Variants in KSR1 observed in about 807,000 individuals in gnomAD.
The protein encoded by KSR1 is kinase suppressor of ras 1, also known as kinase suppressor of ras.
KSR1 carries 35 observed loss-of-function variants against 92.9 expected under a neutral mutation model. That is an observed-to-expected ratio of 0.38 (90% CI 0.29 to 0.50). The LOEUF is 0.50. Among genes scored for constraint, KSR1 ranks in the 20% least tolerant of loss-of-function variants. The pLI, the probability that KSR1 is intolerant of heterozygous loss-of-function variation, is 0.94. For synonymous variants in KSR1, 467 were observed against 472.6 expected (o/e 0.99, Z 0.15); for missense variants, 972 against 1,158.5 (o/e 0.84, Z 2.34).
rs2073736204 is a variant in KSR1, at chr17:27,605,892, C to T, written c.1994+79C>T. ...CAGGGAGCCCTGTTTGTGTGGATGC[C>T]CTAGAGGGTGTGGAAGTTCTAATAG... is the stretch of plus-strand genomic sequence containing the variant. On this transcript the variant is annotated intron_variant, in intron 14 of 20. Coordinates refer to ENST00000644974, the MANE Select transcript of KSR1 (RefSeq NM_001394583.1). The T allele has an allele frequency of 7.7e-5, 120 of 1,553,196 alleles. 1 individual carries two copies. The South Asian group carries it at 1.4e-3, about 18-fold the overall frequency.
At chr17:27,606,472 A>G (rs1376290082) in intron 14 of KSR1, among the ~76,000 whole-genome samples, 1 of 152,240 alleles carries the variant, frequency 6.6e-6, no homozygotes, top group Non-Finnish European at 1.5e-5. Context: ...AGGAGAGATC[A>G]TGCTGGCTCA....
At chr17:27,532,285 G>A (rs908508914) in intron 1 of KSR1, among the ~76,000 whole-genome samples, 1 of 152,204 alleles carries the variant, frequency 6.6e-6, no homozygotes, top group Non-Finnish European at 1.5e-5. Flanking sequence ...GGGTTTGCCC[G>A]GTTTTTCTCA....
At chr17:27,478,095 G>A (rs1194139448) in intron 1 of KSR1, among the ~76,000 whole-genome samples, 1 of 152,198 alleles carries the variant, frequency 6.6e-6, no homozygotes, top group African/African-American at 2.4e-5. Flanking sequence ...GACAGACTAT[G>A]TCATGACCTT....
chr17:27,585,384 C>T (rs1006724650), intron 4 of KSR1, among the ~76,000 whole-genome samples: 3 of 152,118 alleles, frequency 2.0e-5, no homozygotes, highest in African/African-American at 7.2e-5. Context: ...GCTGGCGAGG[C>T]TTACGTAAGC....
rs746718648 is a variant in KSR1, at chr17:27,588,546, C to T, written c.1046+11C>T. On this transcript the variant is annotated intron_variant, in intron 6 of 20. Coordinates refer to ENST00000644974, the MANE Select transcript of KSR1 (RefSeq NM_001394583.1). ...GTCGGTGACGCACAGGTAGGCACAG[C>T]GGGCCTGGAGGGGGAGCAGGGCACA... The T allele has an allele frequency of 3.5e-5, 56 of 1,584,770 alleles. No individual in the cohort carries two copies. Among genetic ancestry groups the T allele is most frequent in the South Asian group, 1.4e-4 (12 of 85,242 alleles).
chr17:27,496,041 A>G (rs2068974779), intron 1 of KSR1, among the ~76,000 whole-genome samples: 1 of 152,172 alleles, frequency 6.6e-6, no homozygotes, highest in Non-Finnish European at 1.5e-5. Context: ...CCCCTACTCC[A>G]TGAGCCGCCG....
chr17:27,503,673 G>T (rs1158090398), intron 1 of KSR1, among the ~76,000 whole-genome samples: 2 of 152,206 alleles, frequency 1.3e-5, no homozygotes. Context: ...TCAGTTAGGT[G>T]TGGATGTGTG....
chr17:27,559,932 AGT>A lies in KSR1; in HGVS notation c.372+9232_372+9233del, dbSNP rs750325241. On this transcript the variant is annotated intron_variant, in intron 2 of 20. Transcript: ENST00000644974. The surrounding 1 kb of genome is among the most constrained non-coding windows in gnomAD (Gnocchi z 4.2). ...GGGGCTCCTCTTAGGGGATATTGGA[AGT>A]GTGTGTGAGAGAGGGGCAGGAATTC... Among the ~76,000 whole-genome samples, 7 of 152,186 alleles carry A rather than the reference AGT, an allele frequency of 4.6e-5. No individual in the cohort carries two copies. Among genetic ancestry groups the A allele is most frequent in the Non-Finnish European group, 1.0e-4 (7 of 68,024 alleles).
chr17:27,463,074 A>G (rs371241603), intron 1 of KSR1, among the ~76,000 whole-genome samples: 1 of 152,236 alleles, frequency 6.6e-6, no homozygotes, highest in East Asian at 1.9e-4. Context: ...GGGTCAAAGT[A>G]TATGAATACA....
chr17:27,463,919 A>G (rs532471969), intron 1 of KSR1, among the ~76,000 whole-genome samples: 6 of 152,292 alleles, frequency 3.9e-5, no homozygotes, highest in South Asian at 2.1e-4. Flanking sequence ...TGGAATTTCC[A>G]TGTGGTCCAG....
At chr17:27,496,584 G>C (rs2068993542) in intron 1 of KSR1, among the ~76,000 whole-genome samples, 1 of 152,158 alleles carries the variant, frequency 6.6e-6, no homozygotes, top group Non-Finnish European at 1.5e-5. Flanking sequence ...GGCCTCCTGT[G>C]CCCCAGAGCG....
At chr17:27,506,193 G>A (rs2069374669) in intron 1 of KSR1, among the ~76,000 whole-genome samples, 1 of 152,156 alleles carries the variant, frequency 6.6e-6, no homozygotes, top group South Asian at 2.1e-4. Flanking sequence ...TAGTAATAAG[G>A]TCGGTTTTGG....
intron 1 of KSR1, among the ~76,000 whole-genome samples, chr17:27,529,454 A>G (rs1423476099): frequency 1.3e-5 from 2 of 152,276 alleles, no homozygotes; most frequent in Non-Finnish European, 2.9e-5. Flanking sequence ...TCAAGGGGTG[A>G]GGGCCACCTG....
intron 4 of KSR1, 94 bp from the exon 5 acceptor site, chr17:27,585,563 C>T (rs1037095066): frequency 1.4e-6 from 1 of 719,706 alleles, no homozygotes; most frequent in Non-Finnish European, 2.6e-6. Context: ...TACGTCCCAG[C>T]CCCTTGCCTG....
At chr17:27,597,224 G>C (rs926030494) in intron 9 of KSR1, 44 bp from the exon 10 acceptor site, 2 of 1,546,504 alleles carry the variant, frequency 1.3e-6, no homozygotes, top group African/African-American at 2.7e-5. Flanking sequence ...GAGGCAGGTG[G>C]GGCCAGGACA....
At chr17:27,485,133 A>C (rs542804353) in intron 1 of KSR1, among the ~76,000 whole-genome samples, 1 of 152,290 alleles carries the variant, frequency 6.6e-6, no homozygotes, top group Non-Finnish European at 1.5e-5. Flanking sequence ...AGAGTCCACC[A>C]GCTCTCGGGC....
chr17:27,468,238 A>AT (rs942393415), intron 1 of KSR1, among the ~76,000 whole-genome samples: 159 of 143,298 alleles, frequency 1.1e-3, no homozygotes, highest in South Asian at 2.2e-3. Context: ...GTGGCCAATT[A>AT]TTTTTTTTTT....
chr17:27,617,734 G>A (rs753334118), intron 19 of KSR1: 7 of 337,284 alleles, frequency 2.1e-5, no homozygotes, highest in Non-Finnish European at 3.6e-5. Context: ...CATCATATTC[G>A]CCAGGCTGGT....
chr17:27,501,357 C>A (rs1486308052), intron 1 of KSR1, among the ~76,000 whole-genome samples: 2 of 110,330 alleles, frequency 1.8e-5, no homozygotes, highest in African/African-American at 7.0e-5. Context: ...CTCACTGAAT[C>A]TCTGGTTCAA....
Sources: gnomAD v4.1 joint callset for allele counts (sites outside exome capture counted in the v4.1 genomes callset) on GRCh38, gnomAD v4.1.1 for gene constraint, Gnocchi (gnomAD v3.1) non-coding constraint, MANE v1.5 for transcripts, NCBI Gene and HGNC (gene_info 2026-07-23, HGNC 2026-07-21) for gene names.